The following ZNF804A variants were observed in gnomAD, a reference collection of about 807,000 sequenced individuals.
ZNF804A encodes the protein zinc finger protein 804A.
In ZNF804A, 2 loss-of-function variants were observed where a neutral mutation model predicts 16.5. The observed-to-expected ratio is 0.12, with a 90% CI of 0.05 to 0.38. The LOEUF is 0.38. Ranked by LOEUF, ZNF804A falls within the 10% of genes least tolerant of loss-of-function variation. The pLI is 0.99. For missense variants in ZNF804A, 1,473 were observed against 1,390.7 expected, an observed-to-expected ratio of 1.06 and a Z score of -0.94; for synonymous variants, 534 against 489.6, an observed-to-expected ratio of 1.09 and a Z score of -1.20.
chr2:184,666,709 A>G (rs1265994520), intron 1 of ZNF804A, among the ~76,000 whole-genome samples: 3 of 152,030 alleles, frequency 2.0e-5, no homozygotes, highest in Non-Finnish European at 4.4e-5. Flanking sequence ...AGCTAGAGGC[A>G]AGGGAGGCAA....
intron 1 of ZNF804A, among the ~76,000 whole-genome samples, chr2:184,650,520 G>C (rs1351177584): frequency 6.6e-6 from 1 of 151,942 alleles, no homozygotes; most frequent in Non-Finnish European, 1.5e-5. Context: ...TAGCTAAGCT[G>C]TCTCACTTCA....
At chr2:184,921,973 T>C (rs2105837183) in intron 2 of ZNF804A, among the ~76,000 whole-genome samples, 1 of 152,264 alleles carries the variant, frequency 6.6e-6, no homozygotes, top group South Asian at 2.1e-4. Context: ...GGCTGAATGA[T>C]AATTTATGTG....
chr2:184,808,956 T>A (rs1694851957), intron 1 of ZNF804A, among the ~76,000 whole-genome samples: 1 of 151,850 alleles, frequency 6.6e-6, no homozygotes, highest in Non-Finnish European at 1.5e-5. Context: ...AAACTTTTGT[T>A]GTTTAGGATG....
chr2:184,660,264 T>C (rs1223720706), intron 1 of ZNF804A, among the ~76,000 whole-genome samples: 1 of 152,242 alleles, frequency 6.6e-6, no homozygotes, highest in Non-Finnish European at 1.5e-5. Context: ...CAGATTCAAC[T>C]AGAATAGGAC....
At chr2:184,868,469 T>C (rs997530996) in intron 2 of ZNF804A, among the ~76,000 whole-genome samples, 2 of 152,024 alleles carry the variant, frequency 1.3e-5, no homozygotes, top group African/African-American at 4.8e-5. Flanking sequence ...AATTCAGATG[T>C]TTCTCTCTTG....
intron 1 of ZNF804A, among the ~76,000 whole-genome samples, chr2:184,736,474 A>T (rs1458369621): frequency 6.6e-6 from 1 of 152,172 alleles, no homozygotes; most frequent in East Asian, 1.9e-4. Context: ...GCTGGAAATC[A>T]TCATCCTCAG....
intron 1 of ZNF804A, among the ~76,000 whole-genome samples, chr2:184,624,972 C>T (rs563153003): frequency 2.0e-4 from 30 of 152,094 alleles, no homozygotes; most frequent in African/African-American, 6.7e-4. Flanking sequence ...GTGATTGTTC[C>T]GTTTGTGATG....
chr2:184,612,595 T>C (rs1411649384), intron 1 of ZNF804A, among the ~76,000 whole-genome samples: 2 of 152,070 alleles, frequency 1.3e-5, no homozygotes, highest in Non-Finnish European at 2.9e-5. Context: ...CCACCAAGTC[T>C]GGCTAATTTT....
intron 1 of ZNF804A, among the ~76,000 whole-genome samples, chr2:184,721,448 GACAT>G (rs1693313490): frequency 6.6e-6 from 1 of 151,920 alleles, no homozygotes; most frequent in African/African-American, 2.4e-5. Context: ...CTCAAAATAA[GACAT>G]ACAAACGTCC....
intron 1 of ZNF804A, among the ~76,000 whole-genome samples, chr2:184,843,628 A>G (rs1226231548): frequency 6.6e-6 from 1 of 152,162 alleles, no homozygotes; most frequent in African/African-American, 2.4e-5. Flanking sequence ...TCCCTTGTGC[A>G]TGGATCCTAA....
intron 1 of ZNF804A, among the ~76,000 whole-genome samples, chr2:184,684,077 C>T (rs1229770066): frequency 2.0e-5 from 3 of 152,160 alleles, no homozygotes; most frequent in African/African-American, 7.2e-5. Context: ...TGTAAGCAGG[C>T]AGATGGCTGT....
intron 2 of ZNF804A, among the ~76,000 whole-genome samples, chr2:184,899,297 T>C (rs989919137): frequency 3.9e-5 from 6 of 152,036 alleles, no homozygotes; most frequent in African/African-American, 1.4e-4. Context: ...AGATCACTCA[T>C]TGAAGTTTGT....
At chr2:184,741,343 AATG>A in intron 1 of ZNF804A, among the ~76,000 whole-genome samples, 1 of 152,300 alleles carries the variant, frequency 6.6e-6, no homozygotes, top group South Asian at 2.1e-4. Context: ...CTTTCCTGGC[AATG>A]ATGTGTGACT....
intron 1 of ZNF804A, among the ~76,000 whole-genome samples, chr2:184,769,805 C>T (rs1036053308): frequency 2.0e-5 from 3 of 151,924 alleles, no homozygotes; most frequent in African/African-American, 7.3e-5. Context: ...TCTTTGCATT[C>T]ATCTTAACAA....
At chr2:184,896,390 T>C (rs1685070082) in intron 2 of ZNF804A, among the ~76,000 whole-genome samples, 1 of 152,158 alleles carries the variant, frequency 6.6e-6, no homozygotes. Context: ...ACAGTTTACC[T>C]GAAATTTTCC....
At chr2:184,860,035 G>A (rs753281122) in intron 1 of ZNF804A, among the ~76,000 whole-genome samples, 6 of 152,218 alleles carry the variant, frequency 3.9e-5, no homozygotes, top group Non-Finnish European at 7.3e-5. Flanking sequence ...TGGGTCCTGA[G>A]TCCATGAGGA....
rs201664547 is a variant in ZNF804A at position 184,937,433 on chromosome 2, T to C, written c.2037T>C (p.Thr679=). The part of the protein sequence containing the change: ...DNEEMCKTWN[T]EYNTYDTISS... ...AAGAAATGTGTAAAACATGGAATAC[T>C]GAATACAACACTTATGATACTATCA... The change falls in exon 4 of 4, where the codon ACT becomes ACC. Residue 679 remains threonine, a synonymous_variant. Transcript: ENST00000302277. The C allele has an allele frequency of 3.1e-6, 5 of 1,612,296 alleles. No individual in the cohort carries two copies. In the African/African-American group the frequency reaches 4.0e-5, roughly 13 times the overall value.
At chr2:184,644,795 GAGACC>G (rs1691847097) in intron 1 of ZNF804A, among the ~76,000 whole-genome samples, 1 of 152,012 alleles carries the variant, frequency 6.6e-6, no homozygotes, top group Non-Finnish European at 1.5e-5. Flanking sequence ...ATTATCAAAA[GAGACC>G]ATGTTAAGGA....
At chr2:184,818,742 G>T (rs1422685544) in intron 1 of ZNF804A, among the ~76,000 whole-genome samples, 1 of 151,938 alleles carries the variant, frequency 6.6e-6, no homozygotes, top group East Asian at 1.9e-4. Flanking sequence ...CAAAAAGCAG[G>T]AGTTGCAATT....
Sources: allele counts gnomAD v4.1 joint callset (sites outside exome capture counted in the v4.1 genomes callset), GRCh38; gene constraint gnomAD v4.1.1; transcripts MANE v1.5; gene names NCBI Gene and HGNC (gene_info 2026-07-23, HGNC 2026-07-21).